The following ABHD17C variants were observed in gnomAD, a reference collection of about 807,000 sequenced individuals.
ABHD17C encodes alpha/beta hydrolase domain-containing protein 17C.
ABHD17C carries 11 observed loss-of-function variants against 27.9 expected under a neutral mutation model. The observed-to-expected ratio is 0.39, with a 90% CI of 0.25 to 0.65. ABHD17C has a LOEUF of 0.65. Ranked by LOEUF, ABHD17C falls within the 30% of genes least tolerant of loss-of-function variation. ABHD17C has a pLI of 0.45. For missense variants in ABHD17C, 280 were observed against 470.2 expected (o/e 0.60, Z 3.74); for synonymous variants, 233 against 209.1 (o/e 1.11, Z -0.98).
chr15:80,723,136 A>ATGTGTGTG lies in ABHD17C; in HGVS notation c.591-26376_591-26375insGTGTGTGT, dbSNP rs1323977699. Among the ~76,000 whole-genome samples, 323 of 92,508 alleles carry ATGTGTGTG rather than the reference A, an allele frequency of 3.5e-3. 1 individual carries two copies. Among genetic ancestry groups the ATGTGTGTG allele is most frequent in the Admixed American group, 8.2e-3 (66 of 8,010 alleles). 60.7% of individuals were successfully genotyped at this position (92,508 alleles called of 152,430 possible). On this transcript the variant is annotated intron_variant, in intron 1 of 2. Coordinates refer to ENST00000258884, the MANE Select transcript of ABHD17C (RefSeq NM_021214.2). ...TATTCCATTGTTTGTGTGTGTGTATATATGTGTGTGTGTGTGTGTGTGTGT... is the reference window on the plus strand; with the variant it reads ...TATTCCATTGTTTGTGTGTGTGTATATGTGTGTGTATGTGTGTGTGTGTGTGTGTGTGT...
chr15:80,709,631 C>G (rs967498768), intron 1 of ABHD17C, among the ~76,000 whole-genome samples: 2 of 152,092 alleles, frequency 1.3e-5, no homozygotes, highest in African/African-American at 4.8e-5. Context: ...GCTTTCATCC[C>G]GTGTAGTGTG....
chr15:80,735,941 C>G (rs1391225776), intron 1 of ABHD17C, among the ~76,000 whole-genome samples: 6 of 152,182 alleles, frequency 3.9e-5, no homozygotes, highest in Non-Finnish European at 7.3e-5. Context: ...ACTGAGCCTA[C>G]TTTTAATGCT....
In ABHD17C at chr15:80,695,448, A is replaced by C; in HGVS notation, c.19A>C (p.Arg7=). Residue 7 remains arginine, a synonymous_variant, in exon 1 of 3, where the codon AGG becomes CGG. Coordinates refer to ENST00000258884, the MANE Select transcript of ABHD17C (RefSeq NM_021214.2). The surrounding 1 kb of genome is among the most constrained non-coding windows in gnomAD (Gnocchi z 4.3). Reference sequence around the variant, plus strand: ...CGTCCCGATGCCCGAGCCAGGCCCCAGGATGAACGGCTTCTCGCTGGGTGA... The same window carrying C: ...CGTCCCGATGCCCGAGCCAGGCCCCCGGATGAACGGCTTCTCGCTGGGTGA... The part of the protein sequence containing the change: MPEPGP[R]MNGFSLGELC... 1 of 1,362,648 alleles carries C rather than the reference A, an allele frequency of 7.3e-7. No individual in the cohort carries two copies. The highest frequency in any genetic ancestry group is 3.9e-5 in the East Asian group (1 of 25,730). The allele number at this position is 1,362,648 out of a possible 1,614,324, so 84.4% of individuals were successfully genotyped here. A position where few individuals can be genotyped will look rare whatever the true frequency, so the allele number is the denominator to read the frequency against.
At chr15:80,713,469 T>C (rs1894757106) in intron 1 of ABHD17C, among the ~76,000 whole-genome samples, 1 of 138,702 alleles carries the variant, frequency 7.2e-6, no homozygotes, top group African/African-American at 2.7e-5. Flanking sequence ...TGGTATGCCA[T>C]AAACAGAGCC....
chr15:80,744,992 T>G (rs967977482), intron 1 of ABHD17C, among the ~76,000 whole-genome samples: 2 of 152,200 alleles, frequency 1.3e-5, no homozygotes, highest in African/African-American at 4.8e-5. Flanking sequence ...CTACCATGAG[T>G]TGTCACAGTT....
intron 1 of ABHD17C, among the ~76,000 whole-genome samples, chr15:80,735,137 C>T (rs571460807): frequency 2.6e-5 from 4 of 152,170 alleles, no homozygotes; most frequent in Admixed American, 6.5e-5. Flanking sequence ...AGCTCAGGGA[C>T]TGGTCTTTCT....
At chr15:80,739,521 C>T (rs974802283) in intron 1 of ABHD17C, among the ~76,000 whole-genome samples, 11 of 152,018 alleles carry the variant, frequency 7.2e-5, no homozygotes, top group African/African-American at 2.7e-4. Context: ...GGCTTGGTGC[C>T]CTCCCCATGG....
At chr15:80,717,175 A>G (rs1894813941) in intron 1 of ABHD17C, among the ~76,000 whole-genome samples, 1 of 150,890 alleles carries the variant, frequency 6.6e-6, no homozygotes, top group African/African-American at 2.4e-5. Flanking sequence ...GTTTTCACAC[A>G]TGTGCTTTAC....
intron 1 of ABHD17C, among the ~76,000 whole-genome samples, chr15:80,732,875 T>C (rs1311034470): frequency 6.6e-6 from 1 of 152,232 alleles, no homozygotes; most frequent in Non-Finnish European, 1.5e-5. Flanking sequence ...TCAGTTCACA[T>C]GTGGCCTTGT....
chr15:80,754,277 G>T lies in ABHD17C; in HGVS notation c.897G>T (p.Trp299Cys). The change falls in exon 3 of 3, where the codon TGG becomes TGT. Residue 299 changes from tryptophan to cysteine, a missense_variant. By Grantham distance (215) the Trp-to-Cys change is radical. Coordinates refer to ENST00000258884, the MANE Select transcript of ABHD17C (RefSeq NM_021214.2). ...GTCCCCGAGCCGTGGAGCCCCTTTG[G>T]GTTGAAGGGGCTGGGCATAATGACA... is the stretch of plus-strand genomic sequence containing the variant. ...ERCPRAVEPL[W>C]VEGAGHNDIE... 1 of 1,613,908 alleles carries T rather than the reference G, an allele frequency of 6.2e-7. No homozygotes were observed. Among genetic ancestry groups the T allele is most frequent in the Non-Finnish European group, 8.5e-7 (1 of 1,179,838 alleles).
chr15:80,695,583 G>C lies in ABHD17C; in HGVS notation c.154G>C (p.Ala52Pro). ...GGTGCTGGCGCCGGAGCAGCGCGGC[G>C]CCGGCGCGTCCGCCCCGGCCCCGGC... ...YTVLAPEQRG[A>P]GASAPAPAQA... Residue 52 changes from alanine (A) to proline (P), a missense_variant, in exon 1 of 3, where the codon GCC becomes CCC. Ala to Pro is a conservative substitution (Grantham distance 27). Around this residue, in one of 2 missense-constraint regions of ABHD17C, gnomAD observed 74 missense variants for 75.5 expected, o/e 0.98. Coordinates refer to ENST00000258884, the MANE Select transcript of ABHD17C (RefSeq NM_021214.2). This position sits in a 1 kb window ranked among gnomAD's most constrained non-coding sequence, Gnocchi z 4.3. The C allele has an allele frequency of 1.8e-6, 2 of 1,117,656 alleles. No homozygotes were observed. Among genetic ancestry groups the C allele is most frequent in the Non-Finnish European group, 2.2e-6 (2 of 913,766 alleles). The allele number at this position is 1,117,656 out of a possible 1,614,324, so 69.2% of individuals were successfully genotyped here.
At position 80,754,530 on chromosome 15, in the gene ABHD17C, TC is replaced by T; in HGVS notation, c.*161del. 1 of 629,326 alleles carries T rather than the reference TC, an allele frequency of 1.6e-6. No homozygotes were observed. Among genetic ancestry groups the T allele is most frequent in the Non-Finnish European group, 2.7e-6 (1 of 365,932 alleles). 39.0% of individuals were successfully genotyped at this position (629,326 alleles called of 1,614,324 possible). On this transcript the variant is annotated 3_prime_UTR_variant, in exon 3 of 3. Transcript: ENST00000258884. Reference sequence around the variant, plus strand: ...GCTGATGAAATCTCAGTCTTTTGTATCTAGAGGTGGTTCTGCTAATTCACAC... The same window carrying T: ...GCTGATGAAATCTCAGTCTTTTGTATTAGAGGTGGTTCTGCTAATTCACAC...
chr15:80,695,694 C>A lies in ABHD17C; in HGVS notation c.265C>A (p.Leu89Met). ...GAGAGPGACS[L>M]HLSERADWQY... ...GGGCGCGGGGCCCGGTGCGTGCAGCCTGCACCTCAGCGAGCGCGCCGACTG... is the reference window on the plus strand; with the variant it reads ...GGGCGCGGGGCCCGGTGCGTGCAGCATGCACCTCAGCGAGCGCGCCGACTG... Residue 89 changes from leucine to methionine, a missense_variant, in exon 1 of 3, where the codon CTG becomes ATG. By Grantham distance (15) the Leu-to-Met change is conservative (BLOSUM62 2). Transcript: ENST00000258884. This position sits in a 1 kb window ranked among gnomAD's most constrained non-coding sequence, Gnocchi z 4.3. 6.5e-7 allele frequency: 1 copy of A among 1,530,114 alleles called. No homozygotes were observed. Among genetic ancestry groups the A allele is most frequent in the Non-Finnish European group, 8.7e-7 (1 of 1,145,008 alleles). 94.8% of individuals were successfully genotyped at this position (1,530,114 alleles called of 1,614,324 possible). A position where few individuals can be genotyped will look rare whatever the true frequency, so the allele number is the denominator to read the frequency against.
At chr15:80,713,248 C>T (rs1468542434) in intron 1 of ABHD17C, among the ~76,000 whole-genome samples, 1 of 151,264 alleles carries the variant, frequency 6.6e-6, no homozygotes. Context: ...TAACAGTGTC[C>T]TGCCATTTTT....
intron 1 of ABHD17C, among the ~76,000 whole-genome samples, chr15:80,727,450 A>G (rs34631320): frequency 0.011 from 1,726 of 152,336 alleles, 11 homozygotes; most frequent in Non-Finnish European, 0.017. Flanking sequence ...GAAGGTTTGA[A>G]TAGTCCAGAT....
At chr15:80,731,858 A>T (rs1022204249) in intron 1 of ABHD17C, among the ~76,000 whole-genome samples, 1 of 152,104 alleles carries the variant, frequency 6.6e-6, no homozygotes, top group African/African-American at 2.4e-5. Flanking sequence ...CTCTTTTTTT[A>T]AAAATTGTGG....
chr15:80,706,051 C>T (rs923204223), intron 1 of ABHD17C, among the ~76,000 whole-genome samples: 4 of 152,196 alleles, frequency 2.6e-5, no homozygotes, highest in Non-Finnish European at 4.4e-5. Flanking sequence ...GTATTGTGTG[C>T]ACCATTCAAG....
At chr15:80,745,119 C>G (rs1337759474) in intron 1 of ABHD17C, among the ~76,000 whole-genome samples, 3 of 152,126 alleles carry the variant, frequency 2.0e-5, no homozygotes, top group Non-Finnish European at 4.4e-5. Flanking sequence ...AGCTTAATGA[C>G]TTATAAAAGG....
At chr15:80,722,971 G>C (rs1368386563) in intron 1 of ABHD17C, among the ~76,000 whole-genome samples, 1 of 152,186 alleles carries the variant, frequency 6.6e-6, no homozygotes, top group African/African-American at 2.4e-5. Flanking sequence ...GAAAATAACA[G>C]TGTTTAAGCA....
Sources: allele counts gnomAD v4.1 joint callset (sites outside exome capture counted in the v4.1 genomes callset), GRCh38; gene constraint gnomAD v4.1.1; regional missense constraint gnomAD v4.1.1; non-coding constraint Gnocchi (gnomAD v3.1); transcripts MANE v1.5; gene names NCBI Gene and HGNC (gene_info 2026-07-23, HGNC 2026-07-21).